BMP2K: variants seen among roughly 807,000 people sequenced by gnomAD.
BMP2K encodes BMP2 inducible kinase, also known as BMP-2-inducible protein kinase.
Under a neutral mutation model 116.0 loss-of-function variants are expected in BMP2K, and 74 were observed. The observed-to-expected ratio is 0.64, with a 90% confidence interval of 0.53 to 0.77. The LOEUF is 0.77. BMP2K is among the 30% of genes least tolerant of loss of function. The probability of loss-of-function intolerance (pLI) is 0.00; values close to 1 mark genes in which losing one functional copy is unlikely to be tolerated. For synonymous variants in BMP2K, 486 were observed against 502.5 expected, an observed-to-expected ratio of 0.97 and a Z score of 0.44; for missense variants, 1,365 against 1,403.6, an observed-to-expected ratio of 0.97 and a Z score of 0.44.
intron 1 of BMP2K, among the ~76,000 whole-genome samples, chr4:78,777,494 A>T (rs1727301990): frequency 6.6e-6 from 1 of 152,000 alleles, no homozygotes; most frequent in South Asian, 2.1e-4. Flanking sequence ...AAAAAAGTTT[A>T]CTCCATTTTA....
intron 1 of BMP2K, among the ~76,000 whole-genome samples, chr4:78,825,592 A>G (rs1729829437): frequency 6.6e-6 from 1 of 152,206 alleles, no homozygotes; most frequent in South Asian, 2.1e-4. Flanking sequence ...GGCTTAGAAT[A>G]ATATTGGTTC....
intron 7 of BMP2K, among the ~76,000 whole-genome samples, chr4:78,857,318 A>G (rs1162660739): frequency 6.6e-6 from 1 of 152,118 alleles, no homozygotes; most frequent in African/African-American, 2.4e-5. Flanking sequence ...AACATGACCC[A>G]GGGGAATTGG....
Position 78,870,729 on chromosome 4 carries a change from CTTT to C in BMP2K, c.1232-51_1232-49del, listed in dbSNP as rs1339252502. The C allele has an allele frequency of 4.1e-5, 64 of 1,543,390 alleles. 1 individual carries two copies. The South Asian group carries it at 7.7e-4, about 19-fold the overall frequency. On this transcript the variant is annotated intron_variant, in intron 10 of 15. Coordinates refer to ENST00000502613, the MANE Select transcript of BMP2K (RefSeq NM_198892.2). ...TTGAAATGAGCATGTTGAAATCCAG[CTTT>C]TTAATTGAAATCATTAGTATGTTAA...
chr4:78,776,639 C>A lies in BMP2K; in HGVS notation c.96C>A (p.Cys32Ter). The A allele has an allele frequency of 8.2e-7, 1 of 1,217,506 alleles. No individual in the cohort carries two copies. 75.4% of individuals were successfully genotyped at this position (1,217,506 alleles called of 1,614,324 possible). Residue 32 changes from cysteine to a stop codon, truncating the protein, a stop_gained, in exon 1 of 16, where the codon TGC (cysteine) becomes TGA (stop). Transcript: ENST00000502613. LOFTEE classifies it high-confidence loss of function. ...GCGGGGCCGGGGCCGGGGCCGGCTG[C>A]GGCTCCGGCGGCTCGTCCGTGGGGG... is the stretch of plus-strand genomic sequence containing the variant. ...GAGGAGAGAG[C>*]GSGGSSVGVR...
At chr4:78,876,720 G>T (rs1300255809) in intron 13 of BMP2K, among the ~76,000 whole-genome samples, 1 of 152,194 alleles carries the variant, frequency 6.6e-6, no homozygotes, top group Non-Finnish European at 1.5e-5. Flanking sequence ...ATTTGCATAT[G>T]AATTATGAAA....
chr4:78,887,337 A>G, intron 15 of BMP2K, 53 bp downstream of exon 15: 3 of 1,300,120 alleles, frequency 2.3e-6, no homozygotes, highest in Middle Eastern at 1.8e-4. Flanking sequence ...CACAAGAACA[A>G]CAGCAAAATC....
At chr4:78,848,010 T>G (rs948297561) in intron 6 of BMP2K, among the ~76,000 whole-genome samples, 1 of 151,654 alleles carries the variant, frequency 6.6e-6, no homozygotes, top group African/African-American at 2.4e-5. Flanking sequence ...TCAGATTTAT[T>G]TTGTTTTGAA....
rs1023192329 is a variant in BMP2K at position 78,912,334 on chromosome 4, G to C, written c.*301G>C. ...GTGAAAGCACATGGCACCTTTCTAG[G>C]TGTGTAGCCACTGAGAAGGGACAGT... On this transcript the variant is annotated 3_prime_UTR_variant, in exon 16 of 16. Transcript: ENST00000502613. 1 of 289,268 alleles carries C rather than the reference G, an allele frequency of 3.5e-6. No homozygotes were observed. Among genetic ancestry groups the C allele is most frequent in the African/African-American group, 2.2e-5 (1 of 46,038 alleles). 17.9% of individuals were successfully genotyped at this position (289,268 alleles called of 1,614,324 possible).
Position 78,871,957 on chromosome 4 carries a change from A to C in BMP2K, c.1608+9A>C, listed in dbSNP as rs1732379105. ...CACAGTATCCTACAATGGTAACTTAAATAATTTCTAGAGATTTCTCTGAGT... is the reference window on the plus strand; with the variant it reads ...CACAGTATCCTACAATGGTAACTTACATAATTTCTAGAGATTTCTCTGAGT... On this transcript the variant is annotated intron_variant, in intron 12 of 15. Transcript: ENST00000502613. 6.4e-7 allele frequency: 1 copy of C among 1,560,876 alleles called. No homozygotes were observed. The highest frequency in any genetic ancestry group is 8.8e-7 in the Non-Finnish European group (1 of 1,138,520).
At chr4:78,867,183 A>G (rs914670511) in intron 10 of BMP2K, among the ~76,000 whole-genome samples, 2 of 151,984 alleles carry the variant, frequency 1.3e-5, no homozygotes, top group African/African-American at 4.8e-5. Context: ...AAAAAAAAAA[A>G]GAAAAAAAGA....
chr4:78,907,862 A>G (rs1485192960), intron 15 of BMP2K, among the ~76,000 whole-genome samples: 1 of 152,106 alleles, frequency 6.6e-6, no homozygotes, highest in East Asian at 1.9e-4. Flanking sequence ...GTGAGGTGTG[A>G]ATGTTGTGGC....
rs778637377 is a variant in BMP2K at position 78,878,750 on chromosome 4, G to A, written c.1810G>A (p.Glu604Lys). 2 of 1,610,174 alleles carry A rather than the reference G, an allele frequency of 1.2e-6. No individual in the cohort carries two copies. The highest frequency in any genetic ancestry group is 1.7e-6 in the Non-Finnish European group (2 of 1,178,808). ...YSANRSVADK[E>K]AIANFTNQKN... ...TTACTATAGGTCAGTTGCTGATAAA[G>A]AGGCCATTGCAAATTTCACAAATCA... is the stretch of plus-strand genomic sequence containing the variant. The change falls in exon 14 of 16, where the codon GAG becomes AAG. Residue 604 changes from glutamate (E) to lysine (K), a missense_variant. By Grantham distance (56) the Glu-to-Lys change is moderately conservative (BLOSUM62 1). Transcript: ENST00000502613.
At chr4:78,839,457 T>G (rs1222247294) in intron 3 of BMP2K, among the ~76,000 whole-genome samples, 1 of 152,180 alleles carries the variant, frequency 6.6e-6, no homozygotes, top group Non-Finnish European at 1.5e-5. Context: ...TTTATCTGCC[T>G]CATTTATTGG....
rs1353184652 is a variant in BMP2K at position 78,914,894 on chromosome 4, TTAA to T, written c.*2866_*2868del. 6.6e-6 allele frequency: 1 copy of T among 151,972 alleles called. No homozygotes were observed. The highest frequency in any genetic ancestry group is 1.9e-4 in the East Asian group (1 of 5,198). The allele number at this position is 151,972 out of a possible 1,614,324, so 9.4% of individuals were successfully genotyped here. On this transcript the variant is annotated 3_prime_UTR_variant, in exon 16 of 16. Coordinates refer to ENST00000502613, the MANE Select transcript of BMP2K (RefSeq NM_198892.2). ...AGGCCAAAGTTGTTTCTTAACAGCT[TTAA>T]TAATGCTTGTTGATTTTGAATAATC...
chr4:78,789,965 T>C (rs1252266601), intron 1 of BMP2K, among the ~76,000 whole-genome samples: 1 of 152,226 alleles, frequency 6.6e-6, no homozygotes, highest in Non-Finnish European at 1.5e-5. Context: ...GATCCCTATT[T>C]GCATTTTACC....
intron 9 of BMP2K, among the ~76,000 whole-genome samples, chr4:78,863,875 G>T (rs1026707184): frequency 6.6e-6 from 1 of 152,088 alleles, no homozygotes; most frequent in Non-Finnish European, 1.5e-5. Flanking sequence ...GCCTTCTGTA[G>T]CCAAATTAGG....
chr4:78,817,630 T>A (rs916050516), intron 1 of BMP2K, among the ~76,000 whole-genome samples: 12 of 152,154 alleles, frequency 7.9e-5, no homozygotes. Context: ...GTGCTTTTAT[T>A]GAGGTCTCAC....
intron 2 of BMP2K, among the ~76,000 whole-genome samples, chr4:78,827,981 A>T (rs1729962855): frequency 6.6e-6 from 1 of 152,202 alleles, no homozygotes. Context: ...GCAGCACGTC[A>T]CACAGTTCCA....
chr4:78,903,931 TC>T (rs1724775226), intron 15 of BMP2K, among the ~76,000 whole-genome samples: 1 of 151,966 alleles, frequency 6.6e-6, no homozygotes, highest in South Asian at 2.1e-4. Context: ...TAAGCCAGTG[TC>T]AGCAGAGAAG....
Sources: allele counts gnomAD v4.1 joint callset (sites outside exome capture counted in the v4.1 genomes callset), GRCh38; gene constraint gnomAD v4.1.1; transcripts MANE v1.5; gene names NCBI Gene and HGNC (gene_info 2026-07-23, HGNC 2026-07-21).